CNIH3: variants seen among roughly 807,000 people sequenced by gnomAD.
The protein encoded by CNIH3 is cornichon family AMPA receptor auxiliary protein 3, also known as protein cornichon homolog 3.
Under a neutral mutation model 24.1 loss-of-function variants are expected in CNIH3, and 14 were observed. The observed-to-expected ratio is 0.58, with a 90% CI of 0.38 to 0.91. The LOEUF (loss-of-function observed/expected upper bound fraction) is 0.91. Ranked by LOEUF, CNIH3 falls within the 40% of genes least tolerant of loss-of-function variation. CNIH3 has a pLI of 0.00. For synonymous variants in CNIH3, 68 were observed against 73.8 expected (o/e 0.92, Z 0.40); for missense variants, 178 against 196.8 (o/e 0.90, Z 0.57).
upstream of CNIH3, among the ~76,000 whole-genome samples, chr1:224,513,064 T>C (rs1304133837): frequency 6.6e-6 from 1 of 152,170 alleles, no homozygotes; most frequent in Non-Finnish European, 1.5e-5. Flanking sequence ...TTATTAACCA[T>C]TTCTGTTTTT....
intron 5 of CNIH3, among the ~76,000 whole-genome samples, chr1:224,735,314 G>A (rs1286466930): frequency 6.6e-6 from 1 of 152,020 alleles, no homozygotes; most frequent in African/African-American, 2.4e-5. Context: ...TCACCTCTCC[G>A]CTCAGAACAT....
chr1:224,608,506 T>C (rs1023184621), intron 3 of CNIH3, among the ~76,000 whole-genome samples: 3 of 152,084 alleles, frequency 2.0e-5, no homozygotes, highest in African/African-American at 7.2e-5. Flanking sequence ...GACTGGGGGA[T>C]GCATGCACTG....
At chr1:224,682,808 T>C (rs919406871) in intron 2 of CNIH3, among the ~76,000 whole-genome samples, 1 of 152,200 alleles carries the variant, frequency 6.6e-6, no homozygotes, top group Non-Finnish European at 1.5e-5. Flanking sequence ...TTCCTTCTAA[T>C]TGTTTGGGCT....
intron 5 of CNIH3, chr1:224,587,478 C>T (rs2125022896): frequency 6.6e-6 from 1 of 152,256 alleles, no homozygotes; most frequent in East Asian, 1.9e-4. Context: ...GGTGTCTGGC[C>T]AGAGCTCCTT....
intron 3 of CNIH3, among the ~76,000 whole-genome samples, chr1:224,722,713 G>C (rs1433403704): frequency 2.0e-5 from 3 of 151,562 alleles, no homozygotes; most frequent in Admixed American, 6.6e-5. Flanking sequence ...CTCCAGGGGG[G>C]ATTCTAAAGT....
chr1:224,434,958 C>CCGACCCCATCCA (rs1674578932), intron 1 of CNIH3: 8 of 985,594 alleles, frequency 8.1e-6, no homozygotes, highest in Non-Finnish European at 9.6e-6. Flanking sequence ...GGGGTCCGCC[C>CCGACCCCATCCA]CGACCCCATC....
At chr1:224,651,818 C>T (rs554399894) in intron 1 of CNIH3, among the ~76,000 whole-genome samples, 186 of 152,264 alleles carry the variant, frequency 1.2e-3, no homozygotes, top group African/African-American at 4.1e-3. Flanking sequence ...CTAGTGGTGT[C>T]TATTTCAATG....
chr1:224,688,565 G>A (rs1686772266), intron 3 of CNIH3, among the ~76,000 whole-genome samples: 1 of 152,088 alleles, frequency 6.6e-6, no homozygotes, highest in Non-Finnish European at 1.5e-5. Context: ...CTTCTTCTTG[G>A]GAACACTGGC....
intron 5 of CNIH3, among the ~76,000 whole-genome samples, chr1:224,585,981 A>G (rs1427390610): frequency 1.3e-5 from 2 of 152,188 alleles, no homozygotes; most frequent in African/African-American, 4.8e-5. Context: ...AGAGACACAC[A>G]TTTTCCCCTA....
chr1:224,534,475 T>C (rs1243245292), intron 2 of CNIH3, among the ~76,000 whole-genome samples: 1 of 152,246 alleles, frequency 6.6e-6, no homozygotes, highest in African/African-American at 2.4e-5. Flanking sequence ...TCAATCTGTC[T>C]ATAGATGTCC....
chr1:224,572,263 C>T (rs1296476866), intron 4 of CNIH3, among the ~76,000 whole-genome samples: 1 of 152,150 alleles, frequency 6.6e-6, no homozygotes. Flanking sequence ...TGTCTGTAAT[C>T]CCAGCACTTT....
chr1:224,654,875 C>T (rs755475000), intron 1 of CNIH3, among the ~76,000 whole-genome samples: 3 of 152,138 alleles, frequency 2.0e-5, no homozygotes, highest in African/African-American at 4.8e-5. Context: ...TTTGATCGGC[C>T]GTCCCTTTAC....
downstream of CNIH3, among the ~76,000 whole-genome samples, chr1:224,590,745 T>C (rs1681719468): frequency 6.6e-6 from 1 of 152,266 alleles, no homozygotes; most frequent in East Asian, 1.9e-4. Flanking sequence ...ACATGTGCTT[T>C]TTGGGGGACA....
intron 3 of CNIH3, among the ~76,000 whole-genome samples, chr1:224,605,269 C>G (rs1682372820): frequency 6.6e-6 from 1 of 152,178 alleles, no homozygotes; most frequent in South Asian, 2.1e-4. Flanking sequence ...GGACCCACCC[C>G]TATCTGCCTT....
intron 3 of CNIH3, among the ~76,000 whole-genome samples, chr1:224,708,611 G>A (rs1687955732): frequency 6.6e-6 from 1 of 152,150 alleles, no homozygotes; most frequent in African/African-American, 2.4e-5. Flanking sequence ...CGTCCCAGTT[G>A]CCAAATCTAA....
intron 1 of CNIH3, among the ~76,000 whole-genome samples, chr1:224,465,187 G>A (rs1676105742): frequency 1.3e-5 from 2 of 151,342 alleles, no homozygotes; most frequent in South Asian, 2.1e-4. Flanking sequence ...TTGGCTCACC[G>A]CAACCTCCAC....
chr1:224,480,628 T>G (rs1412742121), intron 1 of CNIH3, among the ~76,000 whole-genome samples: 1 of 152,148 alleles, frequency 6.6e-6, no homozygotes, highest in Non-Finnish European at 1.5e-5. Context: ...CTCTCTCAAA[T>G]TCAAAGTTCC....
At chr1:224,539,628 C>T (rs1424474825), downstream of CNIH3, among the ~76,000 whole-genome samples, 1 of 152,142 alleles carries the variant, frequency 6.6e-6, no homozygotes. Flanking sequence ...TCCTTATGCC[C>T]CATGCTGGTC....
At chr1:224,534,312 A>C (rs1313957937) in intron 2 of CNIH3, among the ~76,000 whole-genome samples, 2 of 152,230 alleles carry the variant, frequency 1.3e-5, no homozygotes, top group African/African-American at 4.8e-5. Flanking sequence ...TAAATGTTTG[A>C]GACTACTGAG....
Sources: allele counts gnomAD v4.1 joint callset (sites outside exome capture counted in the v4.1 genomes callset), GRCh38; gene constraint gnomAD v4.1.1; transcripts MANE v1.5; gene names NCBI Gene and HGNC (gene_info 2026-07-23, HGNC 2026-07-21).